The following ERLIN2 variants were observed in gnomAD, a reference collection of about 807,000 sequenced individuals.
ERLIN2 encodes ER lipid raft associated 2, also known as erlin-2.
In ERLIN2, 22 loss-of-function variants were observed where a neutral mutation model predicts 41.5. The ratio of observed to expected loss-of-function variants is 0.53; its 90% CI spans 0.38 to 0.76. ERLIN2 has a LOEUF of 0.76. ERLIN2 is among the 30% of genes least tolerant of loss of function. The pLI is 0.00. For missense variants in ERLIN2, 247 were observed against 414.3 expected (o/e 0.60, Z 3.51); for synonymous variants, 149 against 150.9 (o/e 0.99, Z 0.09).
chr8:37,743,072 G>C (rs190147774), intron 4 of ERLIN2, among the ~76,000 whole-genome samples: 1 of 152,166 alleles, frequency 6.6e-6, no homozygotes, highest in Non-Finnish European at 1.5e-5. Flanking sequence ...TGACAAATCC[G>C]GAATTGGAAC....
At chr8:37,746,602 T>C in intron 6 of ERLIN2, 1 of 872,862 alleles carries the variant, frequency 1.1e-6, no homozygotes, top group Non-Finnish European at 1.4e-6. Flanking sequence ...ATCCCTCCTA[T>C]GTATCCATGC....
At chr8:37,746,566 C>T (rs1029252676) in intron 6 of ERLIN2, 2 of 947,336 alleles carry the variant, frequency 2.1e-6, no homozygotes, top group Admixed American at 1.2e-4. Flanking sequence ...TTGTTTATCT[C>T]ACTATCATTT....
At position 37,749,855 on chromosome 8, in the gene ERLIN2, G is replaced by T; in HGVS notation, c.557+3G>T. ...ATCCGCAGAAACTACGAGTTGATGT[G>T]AGTATACCCTCCGCCTGGGCTGTGA... On this transcript the variant is annotated splice_donor_region_variant and intron_variant, in intron 8 of 11. Coordinates refer to ENST00000519638, the MANE Select transcript of ERLIN2 (RefSeq NM_007175.8). 1 of 1,613,828 alleles carries T rather than the reference G, an allele frequency of 6.2e-7. No homozygotes were observed. Among genetic ancestry groups the T allele is most frequent in the Non-Finnish European group, 8.5e-7 (1 of 1,179,730 alleles).
chr8:37,747,434 G>A (rs1217328124), intron 6 of ERLIN2: 1 of 1,610,260 alleles, frequency 6.2e-7, no homozygotes, highest in Middle Eastern at 1.7e-4. Context: ...ATGCCTTTGC[G>A]CTCCAGCTGT....
chr8:37,742,684 C>T (rs911524551), intron 4 of ERLIN2, among the ~76,000 whole-genome samples: 1 of 152,080 alleles, frequency 6.6e-6, no homozygotes, highest in Non-Finnish European at 1.5e-5. Flanking sequence ...GGGAGAGCAT[C>T]AGGAAGAATA....
At position 37,740,361 on chromosome 8, in the gene ERLIN2, G is replaced by A. The variant is rs891320996; in HGVS notation, c.108-4G>A. The A allele has an allele frequency of 3.7e-6, 6 of 1,610,076 alleles. No homozygotes were observed. Among genetic ancestry groups the A allele is most frequent in the Admixed American group, 3.3e-5 (2 of 59,916 alleles). On this transcript the variant is annotated splice_polypyrimidine_tract_variant and splice_region_variant and intron_variant, in intron 2 of 11. Coordinates refer to ENST00000519638, the MANE Select transcript of ERLIN2 (RefSeq NM_007175.8). ...GCTGCCTCTCTCTTCCCCCTCCTCTGCAGAGGCGGTGCCCTGCTGACTTCG... is the reference window on the plus strand; with the variant it reads ...GCTGCCTCTCTCTTCCCCCTCCTCTACAGAGGCGGTGCCCTGCTGACTTCG...
chr8:37,746,448 A>T (rs1204942532), intron 6 of ERLIN2: 2 of 985,202 alleles, frequency 2.0e-6, no homozygotes, highest in Non-Finnish European at 1.2e-6. Flanking sequence ...GGATACAAAC[A>T]CATGGATATA....
chr8:37,737,125 A>G (rs1265511875), intron 1 of ERLIN2: 1 of 351,408 alleles, frequency 2.8e-6, no homozygotes, highest in Non-Finnish European at 4.0e-6. Flanking sequence ...GTCAGTCACC[A>G]TAGTTCCAGA....
intron 3 of ERLIN2, 90 bp downstream of exon 3, chr8:37,740,536 G>A (rs1281054010): frequency 6.6e-6 from 5 of 752,126 alleles, no homozygotes; most frequent in African/African-American, 1.7e-5. Context: ...CATTGGATGA[G>A]TAAAATGCCA....
At chr8:37,751,499 C>G in intron 9 of ERLIN2, 127 bp from the exon 10 acceptor site, 1 of 740,356 alleles carries the variant, frequency 1.4e-6, no homozygotes, top group East Asian at 2.7e-5. Flanking sequence ...CCCTTGTGTG[C>G]ACTCACAGCT....
intron 10 of ERLIN2, 45 bp downstream of exon 10, chr8:37,751,760 C>A: frequency 6.8e-7 from 1 of 1,469,288 alleles, no homozygotes; most frequent in Non-Finnish European, 9.5e-7. Flanking sequence ...TCAGACCCCG[C>A]CCTGTGGCCA....
intron 6 of ERLIN2, chr8:37,745,744 A>T: frequency 6.6e-7 from 1 of 1,523,694 alleles, no homozygotes; most frequent in Admixed American, 2.1e-5. Flanking sequence ...TTTCTGCAGT[A>T]GAAAATGAAT....
rs979351299 is a variant in ERLIN2 at position 37,756,590 on chromosome 8, A to T, written c.*2475A>T. On this transcript the variant is annotated 3_prime_UTR_variant, in exon 12 of 12. Coordinates refer to ENST00000519638, the MANE Select transcript of ERLIN2 (RefSeq NM_007175.8). ...AAACAAAAAATATGTTATCCTACAC[A>T]TTAGTGTCAATCCAATGGTTGTCTC... The T allele has an allele frequency of 1.3e-5, 2 of 152,610 alleles. No individual in the cohort carries two copies. Among genetic ancestry groups the T allele is most frequent in the Admixed American group, 6.5e-5 (1 of 15,286 alleles). The allele number at this position is 152,610 out of a possible 1,614,324, so 9.5% of individuals were successfully genotyped here.
chr8:37,753,554 A>T, intron 11 of ERLIN2, 25 bp downstream of exon 11: 1 of 1,605,718 alleles, frequency 6.2e-7, no homozygotes, highest in East Asian at 2.2e-5. Context: ...CAGCCTGATA[A>T]AAAGGAGTCT....
intron 6 of ERLIN2, chr8:37,747,954 C>T (rs1803111343): frequency 6.2e-7 from 1 of 1,614,114 alleles, no homozygotes; most frequent in African/African-American, 1.3e-5. Context: ...CATATTCCTC[C>T]CGGTCCCGAG....
intron 6 of ERLIN2, chr8:37,746,374 C>T: frequency 1.0e-6 from 1 of 985,158 alleles, no homozygotes; most frequent in Non-Finnish European, 1.2e-6. Context: ...TTTGTGTGTA[C>T]TTAGTAATAC....
chr8:37,737,534 G>A (rs1439938915), intron 1 of ERLIN2: 2 of 277,002 alleles, frequency 7.2e-6, no homozygotes, highest in South Asian at 3.7e-5. Context: ...TGTAATTTGG[G>A]CCAAAGTACT....
intron 6 of ERLIN2, chr8:37,747,212 A>G (rs915124085): frequency 8.9e-6 from 6 of 673,474 alleles, no homozygotes; most frequent in Admixed American, 6.8e-5. Context: ...AGGAGAATCA[A>G]TGGGAAACAA....
intron 7 of ERLIN2, 35 bp downstream of exon 7, chr8:37,749,667 T>C: frequency 6.3e-7 from 1 of 1,576,966 alleles, no homozygotes; most frequent in Non-Finnish European, 8.7e-7. Context: ...CCCCTCTCTC[T>C]CTGACACTGC....
Sources: allele counts gnomAD v4.1 joint callset (sites outside exome capture counted in the v4.1 genomes callset), GRCh38; gene constraint gnomAD v4.1.1; transcripts MANE v1.5; gene names NCBI Gene and HGNC (gene_info 2026-07-23, HGNC 2026-07-21).